Variants in ARHGAP25 observed in about 807,000 individuals in gnomAD.
The protein encoded by ARHGAP25 is rho GTPase-activating protein 25.
In ARHGAP25, 34 loss-of-function variants were observed where a neutral mutation model predicts 71.0. The ratio of observed to expected loss-of-function variants is 0.48; its 90% CI spans 0.36 to 0.64. The LOEUF is 0.64. ARHGAP25 is among the 30% of genes least tolerant of loss of function. ARHGAP25 has a pLI of 0.00. For missense variants in ARHGAP25, 706 were observed against 805.1 expected, an observed-to-expected ratio of 0.88 and a Z score of 1.49; for synonymous variants, 282 against 296.5, an observed-to-expected ratio of 0.95 and a Z score of 0.50.
chr2:68,782,262 C>G lies in ARHGAP25; in HGVS notation c.291C>G (p.Ile97Met). 1 of 1,614,132 alleles carries G rather than the reference C, an allele frequency of 6.2e-7. No homozygotes were observed. The highest frequency in any genetic ancestry group is 1.1e-5 in the South Asian group (1 of 91,070). The part of the protein sequence containing the change: ...QGCMYLPGCT[I>M]KEIATNPEEA... ...GCATGTATCTACCAGGATGTACAATCAAGGAGATCGCCACAAACCCAGAAG... is the reference window on the plus strand; with the variant it reads ...GCATGTATCTACCAGGATGTACAATGAAGGAGATCGCCACAAACCCAGAAG... The change falls in exon 3 of 11, where the codon ATC becomes ATG. Residue 97 changes from isoleucine (I) to methionine (M), a missense_variant. Physicochemically the swap from Ile to Met is conservative, Grantham distance 10 (BLOSUM62 1). Transcript: ENST00000409202.
At chr2:68,733,922 A>G (rs567105487), upstream of ARHGAP25, among the ~76,000 whole-genome samples, 1 of 152,314 alleles carries the variant, frequency 6.6e-6, no homozygotes, top group South Asian at 2.1e-4. Flanking sequence ...TGCCCCATCT[A>G]CAGATAAGAA....
Position 68,817,918 on chromosome 2 carries a change from T to G in ARHGAP25, c.927T>G (p.Ser309Arg). Residue 309 changes from serine (S) to arginine (R), a missense_variant, in exon 8 of 11, where the codon AGT becomes AGG. By Grantham distance (110) the Ser-to-Arg change is moderately radical (BLOSUM62 -1). Coordinates refer to ENST00000409202, the MANE Select transcript of ARHGAP25 (RefSeq NM_001007231.3). ...TGAACTGTGCTGTTAACAAGATGAG[T>G]GTGGACAACCTGGCTACTGTGATTG... ...IQLNCAVNKMSVDNLATVIGV... is the reference protein window; with the variant it reads ...IQLNCAVNKMRVDNLATVIGV... 6.2e-7 allele frequency: 1 copy of G among 1,613,996 alleles called. No homozygotes were observed. Among genetic ancestry groups the G allele is most frequent in the Non-Finnish European group, 8.5e-7 (1 of 1,179,940 alleles).
At chr2:68,775,694 G>A in intron 2 of ARHGAP25, 1 of 603,504 alleles carries the variant, frequency 1.7e-6, no homozygotes, top group Non-Finnish European at 3.1e-6. Context: ...TGATGGTAGT[G>A]ACACTCAGTC....
chr2:68,813,465 G>T, intron 6 of ARHGAP25, 46 bp downstream of exon 6: 2 of 1,588,800 alleles, frequency 1.3e-6, no homozygotes, highest in Non-Finnish European at 8.6e-7. Context: ...GAAAGTGATT[G>T]GTTTTCTGGA....
chr2:68,795,305 CTTATT>C (rs1414960875), intron 4 of ARHGAP25, among the ~76,000 whole-genome samples: 2 of 151,948 alleles, frequency 1.3e-5, no homozygotes, highest in African/African-American at 4.8e-5. Flanking sequence ...TTTTCTTCTG[CTTATT>C]TTGAGTTTGG....
intron 4 of ARHGAP25, among the ~76,000 whole-genome samples, chr2:68,806,503 C>A (rs900011832): frequency 6.6e-6 from 1 of 152,140 alleles, no homozygotes; most frequent in Non-Finnish European, 1.5e-5. Flanking sequence ...CACATTATGT[C>A]TTTTCAGTCT....
In ARHGAP25 at chr2:68,822,383, G is replaced by C; in HGVS notation, c.1244G>C (p.Ser415Thr). 1.2e-6 allele frequency: 2 copies of C among 1,614,182 alleles called. No individual in the cohort carries two copies. Among genetic ancestry groups the C allele is most frequent in the South Asian group, 2.2e-5 (2 of 91,088 alleles). Residue 415 changes from serine to threonine, a missense_variant, in exon 10 of 11, where the codon AGC becomes ACC. Transcript: ENST00000409202. ...ACCAGCCCCACCGGACAGCAGCCGA[G>C]CGATGCGTTTCCGGAGGACAGCAGC... ...DTTSPTGQQP[S>T]DAFPEDSSKV...
upstream of ARHGAP25, among the ~76,000 whole-genome samples, chr2:68,733,213 C>T (rs1446302329): frequency 6.6e-6 from 1 of 152,134 alleles, no homozygotes; most frequent in African/African-American, 2.4e-5. Flanking sequence ...ACAGAGGGCT[C>T]AGAGTTGGAG....
At chr2:68,738,792 G>A (rs1326938411) in intron 1 of ARHGAP25, among the ~76,000 whole-genome samples, 1 of 148,748 alleles carries the variant, frequency 6.7e-6, no homozygotes, top group Non-Finnish European at 1.5e-5. Context: ...CTGCACTCCA[G>A]CTTGGGCGAC....
intron 6 of ARHGAP25, among the ~76,000 whole-genome samples, chr2:68,815,498 T>A (rs967447172): frequency 9.4e-5 from 12 of 127,562 alleles, no homozygotes; most frequent in African/African-American, 2.9e-4. Context: ...TCGCCCAGGC[T>A]GGAGTGCAGT....
At chr2:68,789,036 CTT>C (rs749666894) in intron 4 of ARHGAP25, among the ~76,000 whole-genome samples, 1 of 145,892 alleles carries the variant, frequency 6.9e-6, no homozygotes. Context: ...GAATCTTTTT[CTT>C]TTTTTTTTTT....
intron 1 of ARHGAP25, among the ~76,000 whole-genome samples, chr2:68,741,291 G>C (rs1310134372): frequency 1.3e-5 from 2 of 152,186 alleles, no homozygotes; most frequent in African/African-American, 4.8e-5. Context: ...GAGAACGCCA[G>C]CAACTTCTAT....
At chr2:68,810,047 T>C (rs1680664041) in intron 5 of ARHGAP25, among the ~76,000 whole-genome samples, 1 of 149,708 alleles carries the variant, frequency 6.7e-6, no homozygotes, top group African/African-American at 2.5e-5. Flanking sequence ...GGCAGAACCA[T>C]CTGAGTCTTG....
At chr2:68,770,650 G>A (rs1442135783) in intron 1 of ARHGAP25, among the ~76,000 whole-genome samples, 2 of 152,136 alleles carry the variant, frequency 1.3e-5, no homozygotes, top group African/African-American at 4.8e-5. Flanking sequence ...TAGGCATGTG[G>A]CACTTCTTCT....
chr2:68,722,576 T>TG (rs1393266048), intron 2 of ARHGAP25, among the ~76,000 whole-genome samples: 1 of 86,358 alleles, frequency 1.2e-5, no homozygotes, highest in Non-Finnish European at 2.1e-5. Context: ...AGACCCTGTC[T>TG]GAAAAAAAAA....
At chr2:68,714,296 T>A (rs1368361556) in intron 2 of ARHGAP25, among the ~76,000 whole-genome samples, 3 of 152,220 alleles carry the variant, frequency 2.0e-5, no homozygotes, top group African/African-American at 7.2e-5. Context: ...TATTCTCTGA[T>A]GGTAGTTTGT....
intron 4 of ARHGAP25, 107 bp from the exon 5 acceptor site, chr2:68,807,166 A>G (rs1680434256): frequency 7.0e-6 from 7 of 1,001,606 alleles, no homozygotes; most frequent in Admixed American, 4.0e-5. Flanking sequence ...TTTGTCTAGT[A>G]TCATTGCAAT....
At chr2:68,774,693 C>T (rs1677735977) in intron 1 of ARHGAP25, 3 of 970,262 alleles carry the variant, frequency 3.1e-6, no homozygotes, top group South Asian at 8.5e-5. Context: ...CGTTCCACAG[C>T]GAGGTTGGAG....
chr2:68,724,546 C>T lies in ARHGAP25; in HGVS notation c.-18+13848C>T, dbSNP rs138079767. Among the ~76,000 whole-genome samples, 17 of 152,294 alleles carry T rather than the reference C, an allele frequency of 1.1e-4. 1 individual carries two copies. Among genetic ancestry groups the T allele is most frequent in the African/African-American group, 4.1e-4 (17 of 41,556 alleles). On this transcript the variant is annotated intron_variant and NMD_transcript_variant, in intron 2 of 7. Transcript: ENST00000463483. ...ATTTGCTGATGTTCTTCCTGAGCCA[C>T]TCTGAGTGACAAAAAATATTTAAGG...
Sources: gnomAD v4.1 joint callset for allele counts (sites outside exome capture counted in the v4.1 genomes callset) on GRCh38, gnomAD v4.1.1 for gene constraint, MANE v1.5 for transcripts, NCBI Gene and HGNC (gene_info 2026-07-23, HGNC 2026-07-21) for gene names.